The following GPATCH2L variants were observed in gnomAD, a reference collection of about 807,000 sequenced individuals.
The protein encoded by GPATCH2L is G patch domain-containing protein 2-like.
GPATCH2L carries 31 observed loss-of-function variants against 57.4 expected under a neutral mutation model. The observed-to-expected ratio is 0.54, with a 90% CI of 0.41 to 0.73. The LOEUF (loss-of-function observed/expected upper bound fraction) is 0.73. Among genes scored for constraint, GPATCH2L ranks in the 30% least tolerant of loss-of-function variants. The pLI, the probability that GPATCH2L is intolerant of heterozygous loss-of-function variation, is 0.00. For synonymous variants in GPATCH2L, 199 were observed against 210.7 expected (o/e 0.94, Z 0.48); for missense variants, 481 against 599.9 (o/e 0.80, Z 2.07).
rs1470997190 is a variant in GPATCH2L at position 76,204,962 on chromosome 14, G to T, written c.*3111G>T. ...CAAAACTCCTGTGTTGCCTTTTGTTGTTGTTGTTGTTGTTGTTGTTTCCTA... is the reference window on the plus strand; with the variant it reads ...CAAAACTCCTGTGTTGCCTTTTGTTTTTGTTGTTGTTGTTGTTGTTTCCTA... On this transcript the variant is annotated 3_prime_UTR_variant, in exon 10 of 10. Transcript: ENST00000261530. 1.2e-4 allele frequency: 18 copies of T among 144,842 alleles called. No homozygotes were observed. The highest frequency in any genetic ancestry group is 5.2e-4 in the African/African-American group (18 of 34,588). The allele number at this position is 144,842 out of a possible 1,614,324, so 9.0% of individuals were successfully genotyped here. A position where few individuals can be genotyped will look rare whatever the true frequency, so the allele number is the denominator to read the frequency against.
Position 76,201,952 on chromosome 14 carries a change from C to T in GPATCH2L, c.*101C>T. ...GCATATCTTAATCGACATTCCCAGT[C>T]CTTTCACCACCAGAACCAACTCCTC... is the stretch of plus-strand genomic sequence containing the variant. On this transcript the variant is annotated 3_prime_UTR_variant, in exon 10 of 10. Coordinates refer to ENST00000261530, the MANE Select transcript of GPATCH2L (RefSeq NM_017926.4). 1 of 918,336 alleles carries T rather than the reference C, an allele frequency of 1.1e-6. No homozygotes were observed. The highest frequency in any genetic ancestry group is 1.6e-6 in the Non-Finnish European group (1 of 612,044). The allele number at this position is 918,336 out of a possible 1,614,324, so 56.9% of individuals were successfully genotyped here. A position where few individuals can be genotyped will look rare whatever the true frequency, so the allele number is the denominator to read the frequency against.
chr14:76,232,000 A>ACTGCAGCCTCC (rs2040569379), intron 2 of GPATCH2L, among the ~76,000 whole-genome samples: 1 of 152,172 alleles, frequency 6.6e-6, no homozygotes, highest in Non-Finnish European at 1.5e-5. Context: ...CTGCAGCCTC[A>ACTGCAGCCTCC]CTGCAGGCTC....
In GPATCH2L at chr14:76,204,673, G is replaced by A. The variant is rs1234306285; in HGVS notation, c.*2822G>A. The A allele has an allele frequency of 6.6e-6, 1 of 152,170 alleles. No individual in the cohort carries two copies. The highest frequency in any genetic ancestry group is 1.9e-4 in the East Asian group (1 of 5,198). 9.4% of individuals were successfully genotyped at this position (152,170 alleles called of 1,614,324 possible). A position where few individuals can be genotyped will look rare whatever the true frequency, so the allele number is the denominator to read the frequency against. ...AAAACTCTGAACTATGACTTACTTT[G>A]AGGATGATCCTTGAGCTCATGTATT... On this transcript the variant is annotated 3_prime_UTR_variant, in exon 10 of 10. Transcript: ENST00000261530.
chr14:76,181,832 G>A (rs2039570078), intron 8 of GPATCH2L, among the ~76,000 whole-genome samples: 1 of 152,300 alleles, frequency 6.6e-6, no homozygotes, highest in African/African-American at 2.4e-5. Context: ...TCTTTCCAAG[G>A]TTCTGATGAC....
At chr14:76,160,301 A>G (rs1335192777) in intron 2 of GPATCH2L, among the ~76,000 whole-genome samples, 2 of 152,204 alleles carry the variant, frequency 1.3e-5, no homozygotes, top group Non-Finnish European at 1.5e-5. Context: ...GGGGCTTGCT[A>G]TCTACCTTCA....
chr14:76,161,762 G>A lies in GPATCH2L; in HGVS notation c.663-4901G>A, dbSNP rs1278641600. 3.3e-5 allele frequency among the ~76,000 whole-genome samples: 5 copies of A among 152,330 alleles called. No individual in the cohort carries two copies. The South Asian group carries it at 1.0e-3, about 32-fold the overall frequency. ...AAAACTTACTAGCTCTAGGACGGGT[G>A]CGGTGGCTCATGCCTGTAATCCTAG... On this transcript the variant is annotated intron_variant, in intron 2 of 9. Transcript: ENST00000261530.
intron 4 of GPATCH2L, 121 bp downstream of exon 4, chr14:76,172,140 A>G (rs1476829995): frequency 1.8e-6 from 1 of 562,758 alleles, no homozygotes; most frequent in Non-Finnish European, 3.0e-6. Context: ...TTTTGGAGCT[A>G]GCTCAAGGAT....
At chr14:76,182,928 C>G (rs536959558) in intron 8 of GPATCH2L, among the ~76,000 whole-genome samples, 1 of 152,302 alleles carries the variant, frequency 6.6e-6, no homozygotes, top group African/African-American at 2.4e-5. Flanking sequence ...GGAAAACAGT[C>G]CTTTAGCTTT....
chr14:76,183,485 A>AT (rs200618343), intron 8 of GPATCH2L, among the ~76,000 whole-genome samples: 7,348 of 151,988 alleles, frequency 0.048, 216 homozygotes, highest in Middle Eastern at 0.092. Flanking sequence ...TTATAGCAAA[A>AT]TTTTTTTTGT....
At chr14:76,188,262 G>A (rs894206242) in intron 8 of GPATCH2L, among the ~76,000 whole-genome samples, 2 of 152,050 alleles carry the variant, frequency 1.3e-5, no homozygotes, top group African/African-American at 4.8e-5. Context: ...TCATATGGTA[G>A]CTCTATTTTT....
At chr14:76,173,146 A>G (rs371941046) in intron 4 of GPATCH2L, among the ~76,000 whole-genome samples, 29 of 152,130 alleles carry the variant, frequency 1.9e-4, no homozygotes, top group African/African-American at 6.8e-4. Context: ...TTTCCCCATT[A>G]TGTCATGAAT....
chr14:76,189,882 C>T (rs939719487), intron 8 of GPATCH2L, among the ~76,000 whole-genome samples: 3 of 151,920 alleles, frequency 2.0e-5, no homozygotes, highest in African/African-American at 7.3e-5. Context: ...TCCTTCTATA[C>T]CCAGTTTTTT....
rs2040361655 is a variant in GPATCH2L, at chr14:76,205,296, TAAA to T, written c.*3448_*3450del. 6.6e-6 allele frequency: 1 copy of T among 152,114 alleles called. No homozygotes were observed. Among genetic ancestry groups the T allele is most frequent in the Non-Finnish European group, 1.5e-5 (1 of 68,016 alleles). The allele number at this position is 152,114 out of a possible 1,614,324, so 9.4% of individuals were successfully genotyped here. A position where few individuals can be genotyped will look rare whatever the true frequency, so the allele number is the denominator to read the frequency against. ...TGTGTTGCCTCTTGGTAAGAAATAA[TAAA>T]AAGAAATTAGTAGCTTGTTTACCTG... On this transcript the variant is annotated 3_prime_UTR_variant, in exon 10 of 10. Coordinates refer to ENST00000261530, the MANE Select transcript of GPATCH2L (RefSeq NM_017926.4).
chr14:76,178,145 G>C, intron 7 of GPATCH2L, 103 bp downstream of exon 7: 1 of 1,270,504 alleles, frequency 7.9e-7, no homozygotes, highest in South Asian at 1.2e-5. Flanking sequence ...CTCTTTGTAG[G>C]TTCAACTGTG....
chr14:76,179,574 C>T (rs149186641), intron 7 of GPATCH2L: 108 of 152,300 alleles, frequency 7.1e-4, no homozygotes, highest in African/African-American at 2.5e-3. Context: ...CAAAGTGATA[C>T]AGCTAATAGA....
chr14:76,217,663 G>C (rs2139858441), downstream of GPATCH2L, among the ~76,000 whole-genome samples: 2 of 151,908 alleles, frequency 1.3e-5, no homozygotes, highest in South Asian at 4.1e-4. Flanking sequence ...CCAGAAACAT[G>C]GTTGCAACTT....
downstream of GPATCH2L, chr14:76,214,432 A>G (rs1398266426): frequency 1.3e-5 from 2 of 152,164 alleles, no homozygotes; most frequent in East Asian, 1.9e-4. Flanking sequence ...ATATCTTGCT[A>G]CCTTACCTAA....
downstream of GPATCH2L, among the ~76,000 whole-genome samples, chr14:76,217,641 A>G (rs2040495769): frequency 6.6e-6 from 1 of 152,180 alleles, no homozygotes. Context: ...AAACTAAAAT[A>G]CAAGTGATAA....
intron 3 of GPATCH2L, chr14:76,170,652 G>A (rs936108712): frequency 6.6e-6 from 1 of 152,006 alleles, no homozygotes; most frequent in Non-Finnish European, 1.5e-5. Context: ...AGATACCAAC[G>A]ATAAATGAAG....
Sources: gnomAD v4.1 joint callset for allele counts (sites outside exome capture counted in the v4.1 genomes callset) on GRCh38, gnomAD v4.1.1 for gene constraint, MANE v1.5 for transcripts, NCBI Gene and HGNC (gene_info 2026-07-23, HGNC 2026-07-21) for gene names.